The following ARHGEF12 variants were observed in gnomAD, a reference collection of about 807,000 sequenced individuals.
ARHGEF12 encodes Rho guanine nucleotide exchange factor 12.
In ARHGEF12, 66 loss-of-function variants were observed where a neutral mutation model predicts 211.2. That is an observed-to-expected ratio of 0.31 (90% CI 0.26 to 0.38). ARHGEF12 has a LOEUF of 0.38. Among genes scored for constraint, ARHGEF12 ranks in the 10% least tolerant of loss-of-function variants. ARHGEF12 has a pLI of 1.00. For missense variants in ARHGEF12, 1,429 were observed against 1,869.5 expected (o/e 0.76, Z 4.34); for synonymous variants, 592 against 638.4 (o/e 0.93, Z 1.09).
chr11:120,459,140 G>A, intron 25 of ARHGEF12, 34 bp from the exon 26 acceptor site: 1 of 1,560,560 alleles, frequency 6.4e-7, no homozygotes, highest in Non-Finnish European at 8.7e-7. Flanking sequence ...ATTGTTCTAA[G>A]TAAGGCAACA....
chr11:120,451,566 C>G lies in ARHGEF12; in HGVS notation c.1898C>G (p.Pro633Arg). The G allele has an allele frequency of 6.2e-7, 1 of 1,614,136 alleles. No individual in the cohort carries two copies. Among genetic ancestry groups the G allele is most frequent in the Non-Finnish European group, 8.5e-7 (1 of 1,180,028 alleles). ...KARHPKHLST[P>R]SSVSPEPQDS... ...CGCCACCCTAAGCACTTATCCACAC[C>G]CTCATCTGTGAGTCCTGAACCTCAG... The change falls in exon 22 of 41, where the codon CCC (proline) becomes CGC (arginine). Residue 633 changes from proline (P) to arginine (R), a missense_variant. By Grantham distance (103) the Pro-to-Arg change is moderately radical (BLOSUM62 -2). Coordinates refer to ENST00000397843, the MANE Select transcript of ARHGEF12 (RefSeq NM_015313.3).
chr11:120,389,337 T>C (rs1229130344), intron 1 of ARHGEF12, among the ~76,000 whole-genome samples: 1 of 152,240 alleles, frequency 6.6e-6, no homozygotes, highest in Non-Finnish European at 1.5e-5. Context: ...CATTTTTTCT[T>C]TCGTAGATTG....
intron 24 of ARHGEF12, 85 bp from the exon 25 acceptor site, chr11:120,457,995 G>C: frequency 2.7e-6 from 4 of 1,458,236 alleles, no homozygotes; most frequent in Non-Finnish European, 3.7e-6. Flanking sequence ...AATCTGATTA[G>C]AATTTATTGT....
intron 21 of ARHGEF12, 198 bp from the exon 22 acceptor site, chr11:120,451,314 G>C: frequency 2.0e-6 from 1 of 490,606 alleles, no homozygotes; most frequent in South Asian, 2.2e-5. Flanking sequence ...GAGTAGCTGG[G>C]ATTACAGGCA....
At chr11:120,391,851 G>A (rs1944228302) in intron 1 of ARHGEF12, among the ~76,000 whole-genome samples, 1 of 152,036 alleles carries the variant, frequency 6.6e-6, no homozygotes, top group East Asian at 1.9e-4. Flanking sequence ...GAGGAGTGAG[G>A]GAGAGAAATA....
intron 4 of ARHGEF12, chr11:120,410,333 A>G (rs1031882659): frequency 4.6e-5 from 7 of 150,878 alleles, no homozygotes; most frequent in East Asian, 1.9e-4. Context: ...AGAAAAGTGA[A>G]TAAGAGAGGA....
chr11:120,351,429 ATATATATATATATATATATATATATAT>A (rs1379271469), intron 1 of ARHGEF12, among the ~76,000 whole-genome samples: 9 of 3,958 alleles, frequency 2.3e-3, no homozygotes, highest in African/African-American at 5.9e-3. Flanking sequence ...ATATATATAT[ATATATATATATATATATATATATATAT>A]TTTTTTTTTT....
intron 4 of ARHGEF12, among the ~76,000 whole-genome samples, chr11:120,415,862 TAA>T (rs930968217): frequency 9.2e-5 from 14 of 152,218 alleles, no homozygotes; most frequent in African/African-American, 3.1e-4. Flanking sequence ...TCTACTGATT[TAA>T]AGTACATGTT....
chr11:120,488,147 A>T lies in ARHGEF12; in HGVS notation c.*3070A>T, dbSNP rs1947443009. 1 of 217,214 alleles carries T rather than the reference A, an allele frequency of 4.6e-6. No homozygotes were observed. The highest frequency in any genetic ancestry group is 9.3e-6 in the Non-Finnish European group (1 of 108,010). The allele number at this position is 217,214 out of a possible 1,614,324, so 13.5% of individuals were successfully genotyped here. On this transcript the variant is annotated 3_prime_UTR_variant, in exon 41 of 41. Coordinates refer to ENST00000397843, the MANE Select transcript of ARHGEF12 (RefSeq NM_015313.3). Reference sequence around the variant, plus strand: ...TAAAAATTATTTTTAGAAGCTAAAGAAAGTAATTATGCTTCCTGTGAATTG... The same window carrying T: ...TAAAAATTATTTTTAGAAGCTAAAGTAAGTAATTATGCTTCCTGTGAATTG...
intron 4 of ARHGEF12, among the ~76,000 whole-genome samples, chr11:120,414,882 G>A (rs979503235): frequency 4.6e-5 from 7 of 152,130 alleles, no homozygotes; most frequent in Non-Finnish European, 8.8e-5. Context: ...GTGATCCACG[G>A]TGCCTGCCTG....
chr11:120,442,858 A>C (rs1216856731), intron 15 of ARHGEF12, among the ~76,000 whole-genome samples: 1 of 151,834 alleles, frequency 6.6e-6, no homozygotes, highest in African/African-American at 2.4e-5. Flanking sequence ...TAAAACCTCC[A>C]TCACTTCCTT....
chr11:120,343,723 C>G (rs1449219998), intron 1 of ARHGEF12, among the ~76,000 whole-genome samples: 1 of 152,126 alleles, frequency 6.6e-6, no homozygotes, highest in Non-Finnish European at 1.5e-5. Flanking sequence ...CTGCAAGTAA[C>G]AATTCATGCA....
At chr11:120,468,661 G>C (rs1345999629) in intron 29 of ARHGEF12, among the ~76,000 whole-genome samples, 1 of 152,130 alleles carries the variant, frequency 6.6e-6, no homozygotes, top group Admixed American at 6.5e-5. Context: ...ATATTGGCCA[G>C]ACTGGTCTTG....
chr11:120,337,499 G>A, intron 1 of ARHGEF12: 1 of 985,424 alleles, frequency 1.0e-6, no homozygotes, highest in Non-Finnish European at 1.2e-6. Flanking sequence ...GATTCTCAGA[G>A]AAGGGGGAGG....
At chr11:120,443,490 C>G (rs901502824) in intron 15 of ARHGEF12, among the ~76,000 whole-genome samples, 1 of 152,132 alleles carries the variant, frequency 6.6e-6, no homozygotes, top group Non-Finnish European at 1.5e-5. Context: ...GTTATTTTCC[C>G]TTTCTAAAAA....
At chr11:120,440,791 A>G (rs1291648988) in intron 13 of ARHGEF12, among the ~76,000 whole-genome samples, 1 of 152,092 alleles carries the variant, frequency 6.6e-6, no homozygotes, top group Non-Finnish European at 1.5e-5. Context: ...GGGAGAAAAC[A>G]CTCAGTCTTT....
chr11:120,415,697 T>C (rs1449003853), intron 4 of ARHGEF12, among the ~76,000 whole-genome samples: 1 of 152,224 alleles, frequency 6.6e-6, no homozygotes, highest in East Asian at 1.9e-4. Flanking sequence ...ACTGGATTTC[T>C]GAATTTTGAA....
chr11:120,440,281 G>C, intron 13 of ARHGEF12, 60 bp downstream of exon 13: 2 of 1,310,544 alleles, frequency 1.5e-6, no homozygotes, highest in Non-Finnish European at 2.2e-6. Flanking sequence ...CTGATTTGTT[G>C]CAAAAATGAG....
chr11:120,407,768 A>G lies in ARHGEF12; in HGVS notation c.87A>G (p.Pro29=), dbSNP rs34172482. The G allele has an allele frequency of 0.029, 46,349 of 1,613,300 alleles. 898 individuals are homozygous for G. Among genetic ancestry groups the G allele is most frequent in the Middle Eastern group, 0.033 (198 of 6,056 alleles). The part of the protein sequence containing the change: ...RHGSILNRES[P]TDKKQKVERI... ...GAAGTATTTTGAACCGAGAGTCACC[A>G]ACAGATAAGAAGCAGAAAGTTGAGC... The change falls in exon 3 of 41, where the codon CCA becomes CCG. Residue 29 remains proline, a synonymous_variant. Transcript: ENST00000397843.
Sources: allele counts gnomAD v4.1 joint callset (sites outside exome capture counted in the v4.1 genomes callset), GRCh38; gene constraint gnomAD v4.1.1; transcripts MANE v1.5; gene names NCBI Gene and HGNC (gene_info 2026-07-23, HGNC 2026-07-21).